The following PLCL1 variants were observed in gnomAD, a reference collection of about 807,000 sequenced individuals.
PLCL1 encodes phospholipase C like 1 (inactive).
PLCL1 carries 41 observed loss-of-function variants against 84.4 expected under a neutral mutation model. The ratio of observed to expected loss-of-function variants is 0.49; its 90% confidence interval spans 0.38 to 0.63. The LOEUF is 0.63. Among genes scored for constraint, PLCL1 ranks in the 30% least tolerant of loss-of-function variants. The pLI, the probability that PLCL1 is intolerant of heterozygous loss-of-function variation, is 0.00. For synonymous variants in PLCL1, 490 were observed against 488.3 expected, an observed-to-expected ratio of 1.00 and a Z score of -0.05; for missense variants, 1,206 against 1,367.8, an observed-to-expected ratio of 0.88 and a Z score of 1.87.
At chr2:197,915,923 T>C (rs1688591200) in intron 1 of PLCL1, among the ~76,000 whole-genome samples, 1 of 152,178 alleles carries the variant, frequency 6.6e-6, no homozygotes. Flanking sequence ...CAGAGGACAA[T>C]AGGAGAAATA....
chr2:198,106,853 C>T (rs1221055304), intron 5 of PLCL1, among the ~76,000 whole-genome samples: 3 of 151,756 alleles, frequency 2.0e-5, no homozygotes, highest in Non-Finnish European at 4.4e-5. Flanking sequence ...GAAATTGAGG[C>T]TTGTGGGGGT....
chr2:198,047,072 A>G (rs1415123916), intron 1 of PLCL1, among the ~76,000 whole-genome samples: 1 of 152,172 alleles, frequency 6.6e-6, no homozygotes, highest in Non-Finnish European at 1.5e-5. Flanking sequence ...AGGGTTCTAA[A>G]GGAATCTAGA....
At chr2:197,822,324 G>T (rs1256393789) in intron 1 of PLCL1, among the ~76,000 whole-genome samples, 1 of 152,050 alleles carries the variant, frequency 6.6e-6, no homozygotes. Flanking sequence ...TGCTTTTGTC[G>T]TTTGAAAAAA....
At position 198,085,552 on chromosome 2, in the gene PLCL1, G is replaced by A; in HGVS notation, c.2035G>A (p.Asp679Asn). 5 of 1,614,050 alleles carry A rather than the reference G, an allele frequency of 3.1e-6. No individual in the cohort carries two copies. Among genetic ancestry groups the A allele is most frequent in the Non-Finnish European group, 3.4e-6 (4 of 1,179,966 alleles). The change falls in exon 2 of 6, where the codon GAC becomes AAC. Residue 679 changes from aspartate to asparagine, a missense_variant. Coordinates refer to ENST00000428675, the MANE Select transcript of PLCL1 (RefSeq NM_006226.4). This position sits in a 1 kb window ranked among gnomAD's most constrained non-coding sequence, Gnocchi z 5.3. Reference sequence around the variant, plus strand: ...TTTTCAGACTCCGGGTCCAATGATGGACCTTCACACGGGCTGGTTTCTTCA... The same window carrying A: ...TTTTCAGACTCCGGGTCCAATGATGAACCTTCACACGGGCTGGTTTCTTCA... ...MNFQTPGPMMDLHTGWFLQNG... is the reference protein window; with the variant it reads ...MNFQTPGPMMNLHTGWFLQNG...
intron 1 of PLCL1, among the ~76,000 whole-genome samples, chr2:197,998,235 C>T (rs188844939): frequency 1.2e-4 from 18 of 145,132 alleles, no homozygotes; most frequent in East Asian, 1.0e-3. Flanking sequence ...ATTGCTTGTG[C>T]GCCTGTGTGC....
At chr2:197,880,996 T>C (rs1391872689) in intron 1 of PLCL1, among the ~76,000 whole-genome samples, 2 of 152,154 alleles carry the variant, frequency 1.3e-5, no homozygotes, top group Non-Finnish European at 2.9e-5. Context: ...CAATGTGAAT[T>C]TAGAGCTGTA....
rs553448613 is a variant in PLCL1 at position 197,986,916 on chromosome 2, G to A, written c.241-96842G>A. On this transcript the variant is annotated intron_variant, in intron 1 of 5. Transcript: ENST00000428675. Reference sequence around the variant, plus strand: ...CAAGCTAGAAGGGTTGGAATCATCCGTATTTCATACTGATAACAACTTCAG... The same window carrying A: ...CAAGCTAGAAGGGTTGGAATCATCCATATTTCATACTGATAACAACTTCAG... Among the ~76,000 whole-genome samples the A allele has an allele frequency of 4.6e-5, 7 of 152,230 alleles. No homozygotes were observed. In the East Asian group the frequency reaches 1.3e-3, roughly 29 times the overall value.
intron 1 of PLCL1, among the ~76,000 whole-genome samples, chr2:197,959,818 G>T (rs926183636): frequency 6.6e-6 from 1 of 152,128 alleles, no homozygotes; most frequent in Non-Finnish European, 1.5e-5. Context: ...GATGCTACCT[G>T]TAGGAGTGGC....
rs780511339 is a variant in PLCL1 at position 198,083,902 on chromosome 2, C to G, written c.385C>G (p.Arg129Gly). The G allele has an allele frequency of 4.3e-5, 69 of 1,613,996 alleles. No individual in the cohort carries two copies. Among genetic ancestry groups the G allele is most frequent in the Non-Finnish European group, 5.3e-5 (63 of 1,180,004 alleles). ...CELKKVRPNS[R>G]IYNRFFTLDT... ...GTTGAAGAAAGTCCGGCCAAATTCTCGCATTTACAACCGTTTTTTCACTCT... is the reference window on the plus strand; with the variant it reads ...GTTGAAGAAAGTCCGGCCAAATTCTGGCATTTACAACCGTTTTTTCACTCT... Residue 129 changes from arginine to glycine, a missense_variant, in exon 2 of 6, where the codon CGC becomes GGC. By Grantham distance (125) the Arg-to-Gly change is moderately radical. Transcript: ENST00000428675.
chr2:197,812,324 T>C (rs1372048976), intron 1 of PLCL1, among the ~76,000 whole-genome samples: 8 of 152,158 alleles, frequency 5.3e-5, no homozygotes, highest in African/African-American at 1.4e-4. Flanking sequence ...AGTTGTGGGA[T>C]TGGTTAGTCA....
intron 1 of PLCL1, among the ~76,000 whole-genome samples, chr2:197,935,616 TA>T (rs1340700553): frequency 2.0e-5 from 3 of 151,976 alleles, no homozygotes; most frequent in Non-Finnish European, 2.9e-5. Flanking sequence ...TATTTGAGGG[TA>T]GAGGGTGGGA....
At chr2:197,812,774 A>G (rs913718669) in intron 1 of PLCL1, among the ~76,000 whole-genome samples, 23 of 152,180 alleles carry the variant, frequency 1.5e-4, no homozygotes, top group Non-Finnish European at 2.6e-4. Flanking sequence ...CTGCTCTGTG[A>G]GACATTCTCT....
chr2:197,991,848 A>T (rs538173537), intron 1 of PLCL1, among the ~76,000 whole-genome samples: 1 of 152,036 alleles, frequency 6.6e-6, no homozygotes. Context: ...CAGAGTGAGG[A>T]GAGGTTGGAG....
chr2:197,866,987 C>T (rs575028569), intron 1 of PLCL1, among the ~76,000 whole-genome samples: 12 of 152,116 alleles, frequency 7.9e-5, no homozygotes, highest in Admixed American at 2.0e-4. Flanking sequence ...GGATCAATGA[C>T]GCACACTAAT....
chr2:197,915,862 T>G (rs1173242731), intron 1 of PLCL1, among the ~76,000 whole-genome samples: 1 of 152,232 alleles, frequency 6.6e-6, no homozygotes, highest in Non-Finnish European at 1.5e-5. Context: ...CCAATGACAC[T>G]TCTTTAGGTA....
intron 1 of PLCL1, among the ~76,000 whole-genome samples, chr2:197,922,783 C>T (rs1272131418): frequency 3.9e-5 from 5 of 128,790 alleles, no homozygotes; most frequent in East Asian, 2.8e-4. Context: ...GGGGCTGACC[C>T]CCCCACCTCC....
chr2:198,102,329 G>C (rs553264296), intron 4 of PLCL1, among the ~76,000 whole-genome samples: 1 of 152,012 alleles, frequency 6.6e-6, no homozygotes, highest in Non-Finnish European at 1.5e-5. Context: ...CATGTCACCC[G>C]TGAGGAAACT....
intron 1 of PLCL1, among the ~76,000 whole-genome samples, chr2:197,962,814 A>C (rs1186120585): frequency 1.3e-5 from 2 of 152,010 alleles, no homozygotes; most frequent in African/African-American, 2.4e-5. Context: ...TAGCTTCCAC[A>C]AATAAGTGAG....
rs555668847 is a variant in PLCL1 at position 198,132,870 on chromosome 2, T to G, written c.3106-13910T>G. 5.3e-5 allele frequency among the ~76,000 whole-genome samples: 8 copies of G among 152,092 alleles called. No individual in the cohort carries two copies. In the East Asian group the frequency reaches 1.4e-3, roughly 26 times the overall value. The stretch of plus-strand genomic sequence containing the variant: ...TGTCAATTTTGGCTTTTGTTGCCAT[T>G]GCTTTTGGTGTTTTGGACATGAAGT... On this transcript the variant is annotated intron_variant, in intron 5 of 5. Coordinates refer to ENST00000428675, the MANE Select transcript of PLCL1 (RefSeq NM_006226.4).
Sources: allele counts gnomAD v4.1 joint callset (sites outside exome capture counted in the v4.1 genomes callset), GRCh38; gene constraint gnomAD v4.1.1; non-coding constraint Gnocchi (gnomAD v3.1); transcripts MANE v1.5; gene names NCBI Gene and HGNC (gene_info 2026-07-23, HGNC 2026-07-21).